The following MAST4 variants were observed in gnomAD, a reference collection of about 807,000 sequenced individuals.
The protein encoded by MAST4 is microtubule-associated serine/threonine-protein kinase 4.
A neutral mutation model predicts 162.7 loss-of-function variants in MAST4; 89 were observed. That is an observed-to-expected ratio of 0.55 (90% CI 0.46 to 0.65). The LOEUF is 0.65. MAST4 is among the 30% of genes least tolerant of loss of function. The pLI is 0.00. For missense variants in MAST4, 3,153 were observed against 3,374.0 expected (o/e 0.93, Z 1.62); for synonymous variants, 1,479 against 1,361.1 (o/e 1.09, Z -1.91).
At chr5:66,799,239 G>C (rs542823992) in intron 3 of MAST4, among the ~76,000 whole-genome samples, 2 of 152,216 alleles carry the variant, frequency 1.3e-5, no homozygotes, top group South Asian at 4.1e-4. Context: ...TCTCTGCCTG[G>C]ACAATACCTG....
At chr5:66,665,677 A>C (rs180966737) in intron 1 of MAST4, among the ~76,000 whole-genome samples, 43 of 152,260 alleles carry the variant, frequency 2.8e-4, no homozygotes, top group African/African-American at 9.4e-4. Context: ...TAAGACGGGC[A>C]ACTTGGGAGA....
intron 1 of MAST4, among the ~76,000 whole-genome samples, chr5:66,659,371 C>T (rs1443247114): frequency 6.6e-6 from 1 of 152,224 alleles, no homozygotes; most frequent in African/African-American, 2.4e-5. Flanking sequence ...TCTGTTTTCA[C>T]TGATGTATCA....
chr5:67,049,008 C>CAT lies in MAST4; in HGVS notation c.675-5384_675-5383dup, dbSNP rs1309526315. On this transcript the variant is annotated intron_variant, in intron 4 of 28. Transcript: ENST00000403625. ...ATATGTATATATATATATACACACA[C>CAT]ATATATATATATACGTATATATATA... is the stretch of plus-strand genomic sequence containing the variant. Among the ~76,000 whole-genome samples, 115 of 104,518 alleles carry CAT rather than the reference C, an allele frequency of 1.1e-3. 2 individuals carry two copies. The highest frequency in any genetic ancestry group is 1.5e-3 in the Non-Finnish European group (77 of 51,440). 68.6% of individuals were successfully genotyped at this position (104,518 alleles called of 152,430 possible).
intron 3 of MAST4, among the ~76,000 whole-genome samples, chr5:66,795,856 G>T (rs1385775520): frequency 1.3e-5 from 2 of 152,162 alleles, no homozygotes; most frequent in African/African-American, 4.8e-5. Context: ...TTTTCATCTG[G>T]AAAGTAGTAA....
At chr5:66,849,341 C>T (rs773930918) in intron 3 of MAST4, among the ~76,000 whole-genome samples, 14 of 152,192 alleles carry the variant, frequency 9.2e-5, no homozygotes, top group Non-Finnish European at 2.1e-4. Context: ...TGCCCTCCTC[C>T]TGAGGAGTCT....
intron 15 of MAST4, among the ~76,000 whole-genome samples, chr5:67,130,901 CT>C (rs1195634782): frequency 1.3e-5 from 2 of 152,084 alleles, no homozygotes; most frequent in Non-Finnish European, 2.9e-5. Context: ...GGTTTATGGA[CT>C]ACCTTTTCAA....
intron 1 of MAST4, among the ~76,000 whole-genome samples, chr5:66,749,356 A>T (rs1752990688): frequency 6.6e-6 from 1 of 152,184 alleles, no homozygotes; most frequent in African/African-American, 2.4e-5. Flanking sequence ...TGCCAAAAAC[A>T]TAGCTACAGA....
intron 3 of MAST4, among the ~76,000 whole-genome samples, chr5:66,842,894 C>T (rs867243625): frequency 6.6e-5 from 10 of 152,108 alleles, no homozygotes; most frequent in Non-Finnish European, 1.5e-4. Context: ...ATTTAGGTTC[C>T]GCTTGTATGT....
Position 67,165,411 on chromosome 5 carries a change from G to A in MAST4, c.6232G>A (p.Gly2078Ser). The A allele has an allele frequency of 6.2e-7, 1 of 1,613,908 alleles. No homozygotes were observed. Among genetic ancestry groups the A allele is most frequent in the Non-Finnish European group, 8.5e-7 (1 of 1,179,902 alleles). The stretch of plus-strand genomic sequence containing the variant: ...GAAGGAGCTGGGCAAGGTGAGGCGT[G>A]GCGTGGAACCCAAGCCCGAAGCGCT... ...CEKELGKVRR[G>S]VEPKPEALLA... Residue 2078 changes from glycine (G) to serine (S), a missense_variant, in exon 29 of 29, where the codon GGC becomes AGC. Gly to Ser is a moderately conservative substitution (Grantham distance 56, BLOSUM62 0). Coordinates refer to ENST00000403625, the MANE Select transcript of MAST4 (RefSeq NM_001164664.2).
intron 3 of MAST4, among the ~76,000 whole-genome samples, chr5:66,883,420 C>CTTTTTTTTTTTTTTTTTTTT (rs1484230630): frequency 8.0e-6 from 1 of 125,514 alleles, no homozygotes. Flanking sequence ...TGTTCTGTCA[C>CTTTTTTTTTTTTTTTTTTTT]TGTTTTTTTT....
At chr5:66,713,092 G>A (rs1348270881) in intron 1 of MAST4, among the ~76,000 whole-genome samples, 3 of 152,118 alleles carry the variant, frequency 2.0e-5, no homozygotes, top group Non-Finnish European at 4.4e-5. Context: ...AAATCAGCAT[G>A]TAGCAGAACA....
Position 67,164,458 on chromosome 5 carries a change from C to T in MAST4, c.5279C>T (p.Ala1760Val), listed in dbSNP as rs778505894. 1 of 1,614,018 alleles carries T rather than the reference C, an allele frequency of 6.2e-7. No homozygotes were observed. Among genetic ancestry groups the T allele is most frequent in the South Asian group, 1.1e-5 (1 of 91,080 alleles). Residue 1760 changes from alanine (A) to valine (V), a missense_variant, in exon 29 of 29, where the codon GCC becomes GTC. By Grantham distance (64) the Ala-to-Val change is moderately conservative. Coordinates refer to ENST00000403625, the MANE Select transcript of MAST4 (RefSeq NM_001164664.2). This position sits in a 1 kb window ranked among gnomAD's most constrained non-coding sequence, Gnocchi z 5.3. ...GCCGTCTCTTTTGTTCCCCTCAAGG[C>T]CTTAACAGGCCGGGTGGACAGTGGA... ...MSAVSFVPLK[A>V]LTGRVDSGTE... is the part of the protein sequence containing the mutation.
At chr5:67,003,182 A>G (rs554585187) in intron 4 of MAST4, among the ~76,000 whole-genome samples, 45 of 152,138 alleles carry the variant, frequency 3.0e-4, no homozygotes, top group African/African-American at 8.9e-4. Context: ...ATTAATATCT[A>G]TTGAAGTGTG....
At chr5:66,755,516 T>C (rs1753482922) in intron 1 of MAST4, among the ~76,000 whole-genome samples, 1 of 152,190 alleles carries the variant, frequency 6.6e-6, no homozygotes, top group African/African-American at 2.4e-5. Flanking sequence ...TACTAGGGCA[T>C]ATAGCCGTAG....
intron 3 of MAST4, 45 bp from the exon 4 acceptor site, chr5:66,899,906 G>A (rs897525924): frequency 4.8e-6 from 7 of 1,451,668 alleles, no homozygotes; most frequent in African/African-American, 1.5e-5. Context: ...AGTAATCTAA[G>A]GTTAATGCAG....
intron 2 of MAST4, among the ~76,000 whole-genome samples, chr5:66,771,670 A>G (rs1464302025): frequency 6.6e-6 from 1 of 152,154 alleles, no homozygotes; most frequent in Non-Finnish European, 1.5e-5. Context: ...TCCCGAGGAA[A>G]CAAGATTAAT....
chr5:66,791,392 C>T (rs79690057), intron 3 of MAST4, among the ~76,000 whole-genome samples: 2,345 of 152,270 alleles, frequency 0.015, 55 homozygotes, highest in African/African-American at 0.052. Flanking sequence ...CTGACTTATT[C>T]ATTGATGAAA....
In MAST4 at chr5:67,165,771, C is replaced by A; in HGVS notation, c.6592C>A (p.Pro2198Thr). ...CAGCAGCCACAAGCCCCGGCCTGGC[C>A]CTGACCCGGGCCCTCCAAAGACTAA... is the stretch of plus-strand genomic sequence containing the variant. ...ESSSHKPRPG[P>T]DPGPPKTKHP... The change falls in exon 29 of 29, where the codon CCT (proline) becomes ACT (threonine). Residue 2198 changes from proline to threonine, a missense_variant. Around this residue, in one of 7 missense-constraint regions of MAST4, gnomAD observed 1,644 missense variants for 1,495.0 expected, o/e 1.10. Transcript: ENST00000403625. 6.2e-7 allele frequency: 1 copy of A among 1,601,908 alleles called. No individual in the cohort carries two copies. The highest frequency in any genetic ancestry group is 1.3e-5 in the African/African-American group (1 of 74,684).
chr5:67,087,791 C>T (rs562739814), intron 5 of MAST4, among the ~76,000 whole-genome samples: 48 of 152,296 alleles, frequency 3.2e-4, no homozygotes, highest in African/African-American at 1.1e-3. Flanking sequence ...TTTGGTCTGA[C>T]ATGAAGCAGA....
Sources: gnomAD v4.1 joint callset for allele counts (sites outside exome capture counted in the v4.1 genomes callset) on GRCh38, gnomAD v4.1.1 for gene constraint, gnomAD v4.1.1 regional missense constraint, Gnocchi (gnomAD v3.1) non-coding constraint, MANE v1.5 for transcripts, NCBI Gene and HGNC (gene_info 2026-07-23, HGNC 2026-07-21) for gene names.